The following SLC25A3 variants were observed in gnomAD, a reference collection of about 807,000 sequenced individuals.
The protein encoded by SLC25A3 is phosphate transport protein.
SLC25A3 carries 14 observed loss-of-function variants against 37.1 expected under a neutral mutation model. The ratio of observed to expected loss-of-function variants is 0.38; its 90% confidence interval spans 0.25 to 0.59. The LOEUF (loss-of-function observed/expected upper bound fraction) is 0.59. Among genes scored for constraint, SLC25A3 ranks in the 20% least tolerant of loss-of-function variants. The pLI is 0.67. For synonymous variants in SLC25A3, 161 were observed against 168.7 expected, an observed-to-expected ratio of 0.95 and a Z score of 0.36; for missense variants, 385 against 458.1, an observed-to-expected ratio of 0.84 and a Z score of 1.46.
In SLC25A3 at chr12:98,603,333, G is replaced by A. The variant is rs891184942; in HGVS notation, c.*1805G>A. ...TAGCATGGTGGCTTCAGGGCAGCTG[G>A]ACTTAGGTGGTATTTTGGGGCTCCA... On this transcript the variant is annotated 3_prime_UTR_variant, in exon 8 of 8. Coordinates refer to ENST00000552981, the MANE Select transcript of SLC25A3 (RefSeq NM_002635.4). 13 of 152,210 alleles carry A rather than the reference G, an allele frequency of 8.5e-5. No homozygotes were observed. Among genetic ancestry groups the A allele is most frequent in the Admixed American group, 2.6e-4 (4 of 15,274 alleles). 9.4% of individuals were successfully genotyped at this position (152,210 alleles called of 1,614,324 possible).
Position 98,606,341 on chromosome 12 carries a change from AAAATT to A in SLC25A3, c.*4817_*4821del, listed in dbSNP as rs1363472717. 6.6e-6 allele frequency: 1 copy of A among 152,232 alleles called. No homozygotes were observed. The highest frequency in any genetic ancestry group is 2.4e-5 in the African/African-American group (1 of 41,468). The allele number at this position is 152,232 out of a possible 1,614,324, so 9.4% of individuals were successfully genotyped here. A position where few individuals can be genotyped will look rare whatever the true frequency, so the allele number is the denominator to read the frequency against. On this transcript the variant is annotated 3_prime_UTR_variant, in exon 8 of 8. Coordinates refer to ENST00000552981, the MANE Select transcript of SLC25A3 (RefSeq NM_002635.4). ...ACTATCGGCATCTTGTAAAAATTAA[AAAATT>A]AAACATAAATAAAAGTTCAAACTAT...
intron 3 of SLC25A3, 84 bp downstream of exon 3, chr12:98,595,932 C>T (rs2097592626): frequency 1.6e-6 from 2 of 1,283,632 alleles, no homozygotes; most frequent in Middle Eastern, 1.8e-4. Context: ...TTGAAGACAT[C>T]ACAACTGCTA....
At chr12:98,596,822 C>G (rs1291970965) in intron 3 of SLC25A3, among the ~76,000 whole-genome samples, 1 of 152,038 alleles carries the variant, frequency 6.6e-6, no homozygotes, top group Non-Finnish European at 1.5e-5. Flanking sequence ...GAGATCAGAA[C>G]TCAATCTAGC....
chr12:98,597,962 A>T lies in SLC25A3; in HGVS notation c.386A>T (p.Tyr129Phe), dbSNP rs2097594384. The change falls in exon 4 of 8, where the codon TAC becomes TTC. Residue 129 changes from tyrosine (Y) to phenylalanine (F), a missense_variant. Tyr to Phe is a conservative substitution (Grantham distance 22). Transcript: ENST00000552981. ...GGATGGGCTCCGACTTTCCTTGGCT[A>T]CTCCATGCAGGGACTCTGCAAGTTT... ...AKGWAPTFLG[Y>F]SMQGLCKFGF... The T allele has an allele frequency of 6.2e-7, 1 of 1,613,830 alleles. No homozygotes were observed. The highest frequency in any genetic ancestry group is 1.3e-5 in the African/African-American group (1 of 74,868).
intron 5 of SLC25A3, among the ~76,000 whole-genome samples, chr12:98,599,205 G>A (rs1002233133): frequency 6.6e-6 from 1 of 152,016 alleles, no homozygotes; most frequent in African/African-American, 2.4e-5. Flanking sequence ...GGGATTACAG[G>A]CATGCACCAC....
In SLC25A3 at chr12:98,604,463, T is replaced by A. The variant is rs558978856; in HGVS notation, c.*2935T>A. The stretch of plus-strand genomic sequence containing the variant: ...AGAAGAGTAACAGCTTAACTAAACC[T>A]CCATTGTGTGAAAGTTTTATGAAAT... On this transcript the variant is annotated 3_prime_UTR_variant, in exon 8 of 8. Coordinates refer to ENST00000552981, the MANE Select transcript of SLC25A3 (RefSeq NM_002635.4). 1 of 150,918 alleles carries A rather than the reference T, an allele frequency of 6.6e-6. No individual in the cohort carries two copies. Among genetic ancestry groups the A allele is most frequent in the Admixed American group, 6.6e-5 (1 of 15,126 alleles). 9.3% of individuals were successfully genotyped at this position (150,918 alleles called of 1,614,324 possible).
rs1364286922 is a variant in SLC25A3 at position 98,597,866 on chromosome 12, A to G, written c.290A>G (p.Gln97Arg). 12 of 1,613,692 alleles carry G rather than the reference A, an allele frequency of 7.4e-6. No individual in the cohort carries two copies. The highest frequency in any genetic ancestry group is 9.3e-6 in the Non-Finnish European group (11 of 1,179,780). The change falls in exon 4 of 8, where the codon CAA (glutamine) becomes CGA (arginine). Residue 97 changes from glutamine (Q) to arginine (R), a missense_variant. By Grantham distance (43) the Gln-to-Arg change is conservative (BLOSUM62 1). This residue lies in a region of SLC25A3 where 276 missense variants were observed against 367.6 expected (regional missense o/e 0.75). Transcript: ENST00000552981. ...TTGTTTTAAATAAAGGTGGACCCCCAAAAGTACAAGGGCATATTTAACGGA... is the reference window on the plus strand; with the variant it reads ...TTGTTTTAAATAAAGGTGGACCCCCGAAAGTACAAGGGCATATTTAACGGA... ...LVKCRMQVDP[Q>R]KYKGIFNGFS...
At chr12:98,600,381 T>C (rs2097596781) in intron 6 of SLC25A3, among the ~76,000 whole-genome samples, 1 of 151,538 alleles carries the variant, frequency 6.6e-6, no homozygotes. Flanking sequence ...GGGACGGGCA[T>C]GCACCGCCAT....
rs2153290383 is a variant in SLC25A3, at chr12:98,606,174, A to G, written c.*4646A>G. On this transcript the variant is annotated 3_prime_UTR_variant, in exon 8 of 8. Transcript: ENST00000552981. ...TTCTTTGCATTACTGATGAGGAAAA[A>G]TCTCAAAGTAATTGTAAAAAATCCT... 6.6e-6 allele frequency: 1 copy of G among 152,296 alleles called. No individual in the cohort carries two copies. Among genetic ancestry groups the G allele is most frequent in the Middle Eastern group, 3.4e-3 (1 of 294 alleles). The allele number at this position is 152,296 out of a possible 1,614,324, so 9.4% of individuals were successfully genotyped here. A position where few individuals can be genotyped will look rare whatever the true frequency, so the allele number is the denominator to read the frequency against.
chr12:98,601,636 A>G lies in SLC25A3; in HGVS notation c.*108A>G. The G allele has an allele frequency of 1.3e-6, 1 of 763,388 alleles. No individual in the cohort carries two copies. The highest frequency in any genetic ancestry group is 2.6e-5 in the East Asian group (1 of 38,156). The allele number at this position is 763,388 out of a possible 1,614,324, so 47.3% of individuals were successfully genotyped here. ...GTGTAGGAAATTGTCTATTCCTGAT[A>G]TAATTACTGTAGTACTCTTGCTTAA... On this transcript the variant is annotated 3_prime_UTR_variant, in exon 8 of 8. Transcript: ENST00000552981.
intron 1 of SLC25A3, 90 bp from the exon 2 acceptor site, chr12:98,593,884 GA>G: frequency 6.9e-7 from 1 of 1,452,686 alleles, no homozygotes; most frequent in South Asian, 1.2e-5. Context: ...GTGGAGACGG[GA>G]AGGAAAAGGC....
chr12:98,596,420 A>G (rs1315713146), intron 3 of SLC25A3, among the ~76,000 whole-genome samples: 1 of 152,216 alleles, frequency 6.6e-6, no homozygotes, highest in Non-Finnish European at 1.5e-5. Context: ...TACCTAAAAG[A>G]GAAATGAATT....
chr12:98,595,537 C>T, intron 2 of SLC25A3, 190 bp from the exon 3 acceptor site: 1 of 1,614,118 alleles, frequency 6.2e-7, no homozygotes, highest in Non-Finnish European at 8.5e-7. Context: ...TCCTCTAGAT[C>T]TGGTTAAATG....
At chr12:98,600,407 G>A (rs901994537) in intron 6 of SLC25A3, among the ~76,000 whole-genome samples, 6 of 150,532 alleles carry the variant, frequency 4.0e-5, no homozygotes, top group Non-Finnish European at 8.9e-5. Context: ...GCTGATTTTT[G>A]TTTTTGTTTT....
chr12:98,604,754 C>T lies in SLC25A3; in HGVS notation c.*3226C>T, dbSNP rs909715595. 1.3e-5 allele frequency: 2 copies of T among 152,236 alleles called. No homozygotes were observed. Among genetic ancestry groups the T allele is most frequent in the African/African-American group, 2.4e-5 (1 of 41,436 alleles). The allele number at this position is 152,236 out of a possible 1,614,324, so 9.4% of individuals were successfully genotyped here. A position where few individuals can be genotyped will look rare whatever the true frequency, so the allele number is the denominator to read the frequency against. On this transcript the variant is annotated 3_prime_UTR_variant, in exon 8 of 8. Transcript: ENST00000552981. ...CCAGGGTTACAGGTAGCCGCCTTGT[C>T]TGTCCCGTTTCGACCATATTTTATT...
chr12:98,594,621 G>C, intron 2 of SLC25A3: 3 of 485,222 alleles, frequency 6.2e-6, no homozygotes, highest in South Asian at 2.2e-5. Flanking sequence ...TAGATGTCCT[G>C]TTTTCGTGCG....
Position 98,603,288 on chromosome 12 carries a change from TA to T in SLC25A3, c.*1761del, listed in dbSNP as rs900725182. 2.6e-5 allele frequency: 4 copies of T among 152,246 alleles called. No individual in the cohort carries two copies. The highest frequency in any genetic ancestry group is 5.9e-5 in the Non-Finnish European group (4 of 68,050). The allele number at this position is 152,246 out of a possible 1,614,324, so 9.4% of individuals were successfully genotyped here. On this transcript the variant is annotated 3_prime_UTR_variant, in exon 8 of 8. Transcript: ENST00000552981. ...TTTGTGCTTTTCACTATTAGTGGTA[TA>T]GTCTTTCCCGAAAATCTCTAGCATG...
chr12:98,595,499 G>A (rs752654627), intron 2 of SLC25A3: 1 of 1,613,880 alleles, frequency 6.2e-7, no homozygotes, highest in South Asian at 1.1e-5. Flanking sequence ...GGAATTATTA[G>A]CTGTGGCACA....
chr12:98,593,875 T>G lies in SLC25A3; in HGVS notation c.-4-100T>G, dbSNP rs1468378768. The G allele has an allele frequency of 9.6e-6, 13 of 1,357,742 alleles. 1 individual carries two copies. The Admixed American group carries it at 2.2e-4, about 23-fold the overall frequency. The allele number at this position is 1,357,742 out of a possible 1,614,324, so 84.1% of individuals were successfully genotyped here. On this transcript the variant is annotated intron_variant, in intron 1 of 7. Coordinates refer to ENST00000552981, the MANE Select transcript of SLC25A3 (RefSeq NM_002635.4). ...GGCCGCCGTGACCTCTTCAAGGGCG[T>G]GGAGACGGGAAGGAAAAGGCCCCGG...
Sources: allele counts gnomAD v4.1 joint callset (sites outside exome capture counted in the v4.1 genomes callset), GRCh38; gene constraint gnomAD v4.1.1; regional missense constraint gnomAD v4.1.1; transcripts MANE v1.5; gene names NCBI Gene and HGNC (gene_info 2026-07-23, HGNC 2026-07-21).